The following SIM1 variants were observed in gnomAD, a reference collection of about 807,000 sequenced individuals.
The protein encoded by SIM1 is SIM bHLH transcription factor 1.
In SIM1, 18 loss-of-function variants were observed where a neutral mutation model predicts 78.2. That is an observed-to-expected ratio of 0.23 (90% CI 0.16 to 0.34). The LOEUF is 0.34. Ranked by LOEUF, SIM1 falls within the 10% of genes least tolerant of loss-of-function variation. The pLI is 1.00. For missense variants in SIM1, 939 were observed against 975.1 expected (o/e 0.96, Z 0.49); for synonymous variants, 417 against 385.2 (o/e 1.08, Z -0.97).
At chr6:100,459,264 A>C (rs932596849) in intron 2 of SIM1, among the ~76,000 whole-genome samples, 1 of 152,166 alleles carries the variant, frequency 6.6e-6, no homozygotes, top group Non-Finnish European at 1.5e-5. Flanking sequence ...ATTAAAGAAA[A>C]AAGTATTTTT....
intron 9 of SIM1, among the ~76,000 whole-genome samples, chr6:100,434,742 AAC>A (rs1181869567): frequency 2.6e-5 from 4 of 152,218 alleles, no homozygotes; most frequent in Non-Finnish European, 5.9e-5. Flanking sequence ...TAAAAGCACA[AAC>A]ACAGAGAGAA....
At chr6:100,424,807 TA>T (rs1266914297) in intron 9 of SIM1, among the ~76,000 whole-genome samples, 1 of 152,196 alleles carries the variant, frequency 6.6e-6, no homozygotes, top group African/African-American at 2.4e-5. Flanking sequence ...TAGAACATAG[TA>T]AATGCTCAAT....
chr6:100,414,169 G>A (rs1771338019), intron 10 of SIM1, among the ~76,000 whole-genome samples: 2 of 152,188 alleles, frequency 1.3e-5, no homozygotes, highest in Non-Finnish European at 2.9e-5. Flanking sequence ...GGATGGATGG[G>A]CAGAAGCCAA....
intron 10 of SIM1, among the ~76,000 whole-genome samples, chr6:100,398,767 C>T (rs185946134): frequency 6.6e-6 from 1 of 151,980 alleles, no homozygotes; most frequent in Admixed American, 6.6e-5. Flanking sequence ...GTTTTTAATC[C>T]TTTAGGGTAT....
chr6:100,415,292 G>A (rs964785509), intron 10 of SIM1, among the ~76,000 whole-genome samples: 8 of 152,150 alleles, frequency 5.3e-5, no homozygotes, highest in Admixed American at 5.2e-4. Context: ...AAATATTGCA[G>A]CAATTTCTAG....
At chr6:100,447,509 G>T in intron 8 of SIM1, 94 bp from the exon 9 acceptor site, 1 of 1,412,068 alleles carries the variant, frequency 7.1e-7, no homozygotes, top group Non-Finnish European at 9.8e-7. Context: ...AGGGCTCCCT[G>T]TGGGCCCTAA....
chr6:100,463,252 C>T (rs1275746664), intron 2 of SIM1, 42 bp downstream of exon 2: 1 of 1,550,358 alleles, frequency 6.5e-7, no homozygotes, highest in Non-Finnish European at 8.8e-7. Context: ...AAATCCCCGG[C>T]CCCTTCTGCC....
intron 9 of SIM1, among the ~76,000 whole-genome samples, chr6:100,433,068 C>T (rs1771942739): frequency 6.6e-6 from 1 of 152,148 alleles, no homozygotes; most frequent in Admixed American, 6.5e-5. Context: ...ACCACTACCC[C>T]ATCTTTCAAG....
chr6:100,447,483 C>T lies in SIM1; in HGVS notation c.851-68G>A, dbSNP rs550402234. ...CTGGGACTGGCCCCAAATGCAATCCCTGGTGGTAAGAATTGAGGGCTCCCT... is the reference window on the plus strand; with the variant it reads ...CTGGGACTGGCCCCAAATGCAATCCTTGGTGGTAAGAATTGAGGGCTCCCT... On this transcript the variant is annotated intron_variant, in intron 8 of 11. Transcript: ENST00000369208. The T allele has an allele frequency of 3.2e-6, 5 of 1,587,106 alleles. No individual in the cohort carries two copies. The East Asian group carries it at 6.7e-5, about 21-fold the overall frequency.
chr6:100,454,279 A>C (rs1264592740), intron 2 of SIM1, among the ~76,000 whole-genome samples: 5 of 152,188 alleles, frequency 3.3e-5, no homozygotes, highest in Non-Finnish European at 7.4e-5. Flanking sequence ...GCCAGCCCGC[A>C]GCGACCTGAG....
intron 8 of SIM1, 102 bp downstream of exon 8, chr6:100,448,044 T>C (rs1582316798): frequency 2.2e-6 from 2 of 912,558 alleles, no homozygotes; most frequent in Non-Finnish European, 3.3e-6. Context: ...CTCCCTGGGC[T>C]CCCACCTGTC....
rs566416860 is a variant in SIM1, at chr6:100,443,726, G to A, written c.998+3542C>T. Among the ~76,000 whole-genome samples the A allele has an allele frequency of 4.7e-4, 71 of 152,120 alleles. 1 individual carries two copies. The highest frequency in any genetic ancestry group is 1.6e-3 in the African/African-American group (65 of 41,542). The stretch of plus-strand genomic sequence containing the variant: ...TCATCATAAATGATACAGTGGCTAC[G>A]CAGGAAAATGCTATTCAAGGATGAA... On this transcript the variant is annotated intron_variant, in intron 9 of 11. Coordinates refer to ENST00000369208, the MANE Select transcript of SIM1 (RefSeq NM_005068.3).
At chr6:100,453,622 G>A (rs573996489) in intron 3 of SIM1, 140 bp downstream of exon 3, 17 of 642,438 alleles carry the variant, frequency 2.6e-5, no homozygotes, top group Non-Finnish European at 4.4e-5. Flanking sequence ...AGGGCCACGT[G>A]CAGTCCGGAT....
chr6:100,422,211 T>C (rs1562244087), intron 9 of SIM1, among the ~76,000 whole-genome samples: 1 of 150,264 alleles, frequency 6.7e-6, no homozygotes, highest in Non-Finnish European at 1.5e-5. Flanking sequence ...AACCTGATAA[T>C]TTTTTTTTTA....
Position 100,420,900 on chromosome 6 carries a change from C to G in SIM1, c.1057G>C (p.Ala353Pro). ...SLDQISASKP[A>P]FSYTSSSTPT... ...GTGGAGCTGCTGGTATAGGAGAAGG[C>G]TGGTTTGGAGGCTGAGATCTGATCC... The change falls in exon 10 of 12, where the codon GCC becomes CCC. Residue 353 changes from alanine to proline, a missense_variant. Physicochemically the swap from Ala to Pro is conservative, Grantham distance 27. Coordinates refer to ENST00000369208, the MANE Select transcript of SIM1 (RefSeq NM_005068.3). The G allele has an allele frequency of 6.2e-7, 1 of 1,613,954 alleles. No homozygotes were observed.
At chr6:100,448,403 T>C in intron 7 of SIM1, 76 bp downstream of exon 7, 1 of 1,494,044 alleles carries the variant, frequency 6.7e-7, no homozygotes, top group South Asian at 1.2e-5. Context: ...GCTCATAGGA[T>C]AGACGGAAAT....
chr6:100,414,676 G>A (rs1344549002), intron 10 of SIM1, among the ~76,000 whole-genome samples: 1 of 152,130 alleles, frequency 6.6e-6, no homozygotes, highest in African/African-American at 2.4e-5. Context: ...ACACATTTGG[G>A]TGTTACATAT....
At chr6:100,393,359 A>G in intron 11 of SIM1, 128 bp downstream of exon 11, 1 of 837,302 alleles carries the variant, frequency 1.2e-6, no homozygotes, top group Non-Finnish European at 1.7e-6. Flanking sequence ...CTTTGTTTTT[A>G]ATCCCATTGG....
rs754557129 is a variant in SIM1 at position 100,390,311 on chromosome 6, T to C, written c.*50A>G. The C allele has an allele frequency of 6.4e-7, 1 of 1,565,330 alleles. No homozygotes were observed. The highest frequency in any genetic ancestry group is 2.2e-5 in the East Asian group (1 of 44,634). On this transcript the variant is annotated 3_prime_UTR_variant, in exon 12 of 12. Transcript: ENST00000369208. ...AAATGCTGGTAATGGGGTATTAAAC[T>C]ATAAATATGTTTCAGAGATCCTTAA...
Sources: allele counts gnomAD v4.1 joint callset (sites outside exome capture counted in the v4.1 genomes callset), GRCh38; gene constraint gnomAD v4.1.1; transcripts MANE v1.5; gene names NCBI Gene and HGNC (gene_info 2026-07-23, HGNC 2026-07-21).